The following THADA variants were observed in gnomAD, a reference collection of about 807,000 sequenced individuals.
The protein encoded by THADA is tRNA (32-2'-O)-methyltransferase regulator THADA.
Under a neutral mutation model 219.8 loss-of-function variants are expected in THADA, and 213 were observed. The ratio of observed to expected loss-of-function variants is 0.97; its 90% CI spans 0.87 to 1.09. THADA has a LOEUF of 1.09. Ranked by LOEUF, THADA falls within the 50% of genes least tolerant of loss-of-function variation. The pLI is 0.00. For missense variants in THADA, 2,956 were observed against 2,311.3 expected (o/e 1.28, Z -5.72); for synonymous variants, 1,018 against 828.9 (o/e 1.23, Z -3.92).
At chr2:43,259,636 T>C (rs905521286) in intron 36 of THADA, among the ~76,000 whole-genome samples, 29 of 152,254 alleles carry the variant, frequency 1.9e-4, no homozygotes, top group African/African-American at 6.5e-4. Context: ...GTTAACAATA[T>C]ATCACGGATG....
chr2:43,462,108 C>T (rs576943270), intron 26 of THADA, among the ~76,000 whole-genome samples: 15 of 152,252 alleles, frequency 9.9e-5, no homozygotes, highest in South Asian at 4.1e-4. Flanking sequence ...TTGTTGATTA[C>T]TATAGAGATG....
At chr2:43,420,707 T>A (rs1057437340) in intron 28 of THADA, among the ~76,000 whole-genome samples, 1 of 152,256 alleles carries the variant, frequency 6.6e-6, no homozygotes, top group Admixed American at 6.5e-5. Flanking sequence ...TAAAGAGATC[T>A]GGCACCAGAA....
intron 26 of THADA, among the ~76,000 whole-genome samples, chr2:43,435,294 AAAG>A (rs1157751254): frequency 6.6e-6 from 1 of 152,054 alleles, no homozygotes; most frequent in Non-Finnish European, 1.5e-5. Context: ...ATCTCTACTA[AAAG>A]AAGAATACAA....
chr2:43,541,799 T>C (rs1695357917), intron 20 of THADA, among the ~76,000 whole-genome samples: 1 of 152,166 alleles, frequency 6.6e-6, no homozygotes, highest in Non-Finnish European at 1.5e-5. Context: ...AGGCCCAGTA[T>C]TTTAATTTAT....
At chr2:43,426,239 A>T (rs1253245820) in intron 28 of THADA, among the ~76,000 whole-genome samples, 1 of 152,226 alleles carries the variant, frequency 6.6e-6, no homozygotes, top group African/African-American at 2.4e-5. Flanking sequence ...CATTTTGGAA[A>T]GGTACTTTCA....
chr2:43,246,083 G>A lies in THADA; in HGVS notation c.5297-13201C>T, dbSNP rs141647229. Among the ~76,000 whole-genome samples the A allele has an allele frequency of 1.4e-4, 21 of 152,066 alleles. No individual in the cohort carries two copies. The East Asian group carries it at 3.7e-3, about 27-fold the overall frequency. On this transcript the variant is annotated intron_variant, in intron 36 of 37. Transcript: ENST00000405975. Reference sequence around the variant, plus strand: ...TAGAATCCAGAAAGTTTCCTTACTAGGTGCCCACCTCCCAGCCTTATCTAG... The same window carrying A: ...TAGAATCCAGAAAGTTTCCTTACTAAGTGCCCACCTCCCAGCCTTATCTAG...
chr2:43,548,662 C>A (rs554872325), intron 20 of THADA, among the ~76,000 whole-genome samples: 239 of 152,276 alleles, frequency 1.6e-3, no homozygotes, highest in African/African-American at 5.6e-3. Context: ...GGGCGTAGGA[C>A]CCTCTGAGCC....
chr2:43,438,694 T>C (rs1342130011), intron 26 of THADA, among the ~76,000 whole-genome samples: 1 of 152,190 alleles, frequency 6.6e-6, no homozygotes, highest in African/African-American at 2.4e-5. Flanking sequence ...AAGTGGAACA[T>C]TACAGTAGTC....
chr2:43,399,108 AGATT>A (rs1467920477), intron 28 of THADA, among the ~76,000 whole-genome samples: 2 of 152,190 alleles, frequency 1.3e-5, no homozygotes, highest in African/African-American at 4.8e-5. Context: ...CACAGATAGG[AGATT>A]GATTGAGAGG....
chr2:43,373,762 G>A lies in THADA; in HGVS notation c.4227+24209C>T, dbSNP rs115775922. Among the ~76,000 whole-genome samples, 683 of 152,288 alleles carry A rather than the reference G, an allele frequency of 4.5e-3. 2 individuals are homozygous for A. The highest frequency in any genetic ancestry group is 0.016 in the African/African-American group (650 of 41,550). On this transcript the variant is annotated intron_variant, in intron 29 of 37. Coordinates refer to ENST00000405975, the MANE Select transcript of THADA (RefSeq NM_022065.5). ...CAAAGTGCTAGGATTACAGGCATGA[G>A]CCAATGAGCCTGCCCAAGTCTAATA...
At chr2:43,428,378 C>T (rs975829221) in intron 27 of THADA, 147 bp from the exon 28 acceptor site, 60 of 682,340 alleles carry the variant, frequency 8.8e-5, no homozygotes, top group Non-Finnish European at 1.2e-4. Flanking sequence ...GAGGCCGAGG[C>T]GGATGGATCA....
At chr2:43,475,666 CTAT>C (rs1224243486) in intron 26 of THADA, among the ~76,000 whole-genome samples, 1 of 152,164 alleles carries the variant, frequency 6.6e-6, no homozygotes, top group Non-Finnish European at 1.5e-5. Context: ...CTCAGAATCT[CTAT>C]TTTAACGTTC....
At position 43,357,890 on chromosome 2, in the gene THADA, C is replaced by T. The variant is rs183888415; in HGVS notation, c.4228-13653G>A. On this transcript the variant is annotated intron_variant, in intron 29 of 37. Transcript: ENST00000405975. ...TTTAGAAAGTTTTACAGTAGAAATG[C>T]ATTACTTTTCAATTTTTTTCAAGTT... Among the ~76,000 whole-genome samples, 39 of 152,172 alleles carry T rather than the reference C, an allele frequency of 2.6e-4. No individual in the cohort carries two copies. The East Asian group carries it at 6.9e-3, about 27-fold the overall frequency.
At chr2:43,479,919 A>C (rs1685985938) in intron 26 of THADA, among the ~76,000 whole-genome samples, 1 of 152,180 alleles carries the variant, frequency 6.6e-6, no homozygotes, top group Non-Finnish European at 1.5e-5. Flanking sequence ...CCTCTGGTTT[A>C]CTCCTACCTT....
chr2:43,418,298 G>GT (rs1398049612), intron 28 of THADA, among the ~76,000 whole-genome samples: 2 of 152,180 alleles, frequency 1.3e-5, no homozygotes, highest in East Asian at 1.9e-4. Context: ...GATAATCAAC[G>GT]TAAGAAGCAA....
chr2:43,514,118 G>A (rs569737882), intron 22 of THADA, among the ~76,000 whole-genome samples: 1 of 150,498 alleles, frequency 6.6e-6, no homozygotes, highest in Non-Finnish European at 1.5e-5. Context: ...AGTGAAATAA[G>A]AACAGGCATG....
At chr2:43,539,413 G>C (rs186678799) in intron 21 of THADA, among the ~76,000 whole-genome samples, 15 of 152,232 alleles carry the variant, frequency 9.9e-5, no homozygotes, top group Middle Eastern at 6.8e-3. Context: ...AAGTTCATGG[G>C]GCAAAAGGTT....
chr2:43,544,465 C>A (rs1381390295), intron 20 of THADA, among the ~76,000 whole-genome samples: 1 of 152,172 alleles, frequency 6.6e-6, no homozygotes, highest in Non-Finnish European at 1.5e-5. Context: ...TTACCTTGGG[C>A]AGTATGGCCA....
At chr2:43,479,756 G>A (rs1422994634) in intron 26 of THADA, among the ~76,000 whole-genome samples, 1 of 152,070 alleles carries the variant, frequency 6.6e-6, no homozygotes, top group Admixed American at 6.6e-5. Flanking sequence ...TAGAAACCTT[G>A]AGCCTTGCTC....
Sources: gnomAD v4.1 joint callset for allele counts (sites outside exome capture counted in the v4.1 genomes callset) on GRCh38, gnomAD v4.1.1 for gene constraint, MANE v1.5 for transcripts, NCBI Gene and HGNC (gene_info 2026-07-23, HGNC 2026-07-21) for gene names.